The following BCAS3 variants were observed in gnomAD, a reference collection of about 807,000 sequenced individuals.
BCAS3 encodes BCAS4/BCAS3 fusion.
Under a neutral mutation model 116.1 loss-of-function variants are expected in BCAS3, and 53 were observed. The ratio of observed to expected loss-of-function variants is 0.46; its 90% CI spans 0.37 to 0.57. The LOEUF (loss-of-function observed/expected upper bound fraction) is 0.57. Ranked by LOEUF, BCAS3 falls within the 20% of genes least tolerant of loss-of-function variation. The pLI is 0.00. For missense variants in BCAS3, 917 were observed against 1,165.4 expected (o/e 0.79, Z 3.10); for synonymous variants, 391 against 408.2 (o/e 0.96, Z 0.51).
At chr17:60,758,899 A>G (rs868767395) in intron 6 of BCAS3, among the ~76,000 whole-genome samples, 2 of 151,870 alleles carry the variant, frequency 1.3e-5, no homozygotes, top group East Asian at 1.9e-4. Context: ...GGAGTATCCT[A>G]TGTAATTTCC....
At chr17:60,747,476 C>T (rs2042105082) in intron 6 of BCAS3, among the ~76,000 whole-genome samples, 197 bp downstream of exon 6, 1 of 152,126 alleles carries the variant, frequency 6.6e-6, no homozygotes, top group Non-Finnish European at 1.5e-5. Flanking sequence ...TCAATATGGC[C>T]ATTCACTTTC....
Position 61,387,493 on chromosome 17 carries a change from G to A in BCAS3, c.2594-4484G>A, listed in dbSNP as rs191167830. On this transcript the variant is annotated intron_variant, in intron 23 of 23. Transcript: ENST00000407086. The surrounding 1 kb of genome is among the most constrained non-coding windows in gnomAD (Gnocchi z 6.2). ...ATCCAGCTTGCTTTTTTTTCACCCTGAGAACAGTAGTGCCAAGGATCCGGC... is the reference window on the plus strand; with the variant it reads ...ATCCAGCTTGCTTTTTTTTCACCCTAAGAACAGTAGTGCCAAGGATCCGGC... Among the ~76,000 whole-genome samples, 147 of 152,242 alleles carry A rather than the reference G, an allele frequency of 9.7e-4. 1 individual carries two copies. The highest frequency in any genetic ancestry group is 3.4e-3 in the Middle Eastern group (1 of 294).
At chr17:60,969,216 C>G (rs74858198) in intron 14 of BCAS3, among the ~76,000 whole-genome samples, 4,339 of 152,090 alleles carry the variant, frequency 0.029, 212 homozygotes, top group African/African-American at 0.097. Context: ...GGTAGTGAAG[C>G]CAGCTAGCTT....
In BCAS3 at chr17:61,008,678, A is replaced by G. The variant is rs973458026; in HGVS notation, c.1487-7073A>G. On this transcript the variant is annotated intron_variant, in intron 15 of 23. Coordinates refer to ENST00000407086, the MANE Select transcript of BCAS3 (RefSeq NM_017679.5). The surrounding 1 kb of genome is among the most constrained non-coding windows in gnomAD (Gnocchi z 4.6). ...AAAGCTTTGCTCTTCTGTAGAAGAC[A>G]AAAGTTTACCAAAAAATAAAAAATA... 1.3e-5 allele frequency among the ~76,000 whole-genome samples: 2 copies of G among 152,026 alleles called. No homozygotes were observed. The highest frequency in any genetic ancestry group is 2.9e-5 in the Non-Finnish European group (2 of 67,966).
rs2050757521 is a variant in BCAS3, at chr17:61,276,371, AAAC to A, written c.2426-91953_2426-91951del. Among the ~76,000 whole-genome samples, 2 of 151,946 alleles carry A rather than the reference AAAC, an allele frequency of 1.3e-5. No homozygotes were observed. The highest frequency in any genetic ancestry group is 2.9e-5 in the Non-Finnish European group (2 of 67,948). On this transcript the variant is annotated intron_variant, in intron 22 of 23. Transcript: ENST00000407086. The surrounding 1 kb of genome is among the most constrained non-coding windows in gnomAD (Gnocchi z 4.2). ...CCATCTCAAAAACAAACAAACAAAC[AAAC>A]AAAAATCACTTGTGTTTCTATACAG...
intron 5 of BCAS3, among the ~76,000 whole-genome samples, chr17:60,736,419 C>T (rs1287870903): frequency 6.6e-6 from 1 of 151,842 alleles, no homozygotes; most frequent in Non-Finnish European, 1.5e-5. Flanking sequence ...CTCCTGGCTT[C>T]AAGTGATCCA....
At chr17:60,868,542 A>T (rs2054830548) in intron 7 of BCAS3, 34 bp from the exon 8 acceptor site, 1 of 1,394,854 alleles carries the variant, frequency 7.2e-7, no homozygotes, top group African/African-American at 1.5e-5. Flanking sequence ...CTTTTTTAAA[A>T]AAATGACATT....
At chr17:60,908,446 AT>A (rs1482859612) in intron 11 of BCAS3, among the ~76,000 whole-genome samples, 100 of 152,292 alleles carry the variant, frequency 6.6e-4, no homozygotes, top group Non-Finnish European at 4.7e-4. Flanking sequence ...TGATAAAGGG[AT>A]AGCTGTGTTT....
chr17:60,913,662 T>C (rs920160239), intron 12 of BCAS3, among the ~76,000 whole-genome samples: 2 of 152,132 alleles, frequency 1.3e-5, no homozygotes, highest in African/African-American at 4.8e-5. Context: ...TCAGATTGTA[T>C]ACGAAAAGCT....
In BCAS3 at chr17:60,765,836, G is replaced by A. The variant is rs1052738486; in HGVS notation, c.403+18557G>A. ...TCGCTTTCAGATACACCAATCAAAC[G>A]TAGATTTGGTCTTTTCACATAGTCC... On this transcript the variant is annotated intron_variant, in intron 6 of 23. Transcript: ENST00000407086. Among the ~76,000 whole-genome samples the A allele has an allele frequency of 5.8e-4, 88 of 152,122 alleles. 1 individual carries two copies. The highest frequency in any genetic ancestry group is 5.7e-3 in the Admixed American group (87 of 15,278).
In BCAS3 at chr17:61,034,849, A is replaced by G. The variant is rs2066896236; in HGVS notation, c.1762+59A>G. 1 of 1,512,610 alleles carries G rather than the reference A, an allele frequency of 6.6e-7. No individual in the cohort carries two copies. The highest frequency in any genetic ancestry group is 8.9e-7 in the Non-Finnish European group (1 of 1,117,702). 93.7% of individuals were successfully genotyped at this position (1,512,610 alleles called of 1,614,324 possible). ...TTGTAATTTTTGCTTCTTAAGGAAA[A>G]TTTTTAGCAGTTTCCCTAGAATAAT... On this transcript the variant is annotated intron_variant, in intron 17 of 23. Coordinates refer to ENST00000407086, the MANE Select transcript of BCAS3 (RefSeq NM_017679.5). The surrounding 1 kb of genome is among the most constrained non-coding windows in gnomAD (Gnocchi z 5.0).
chr17:61,172,278 CA>C (rs900831309), intron 22 of BCAS3, among the ~76,000 whole-genome samples: 5 of 152,068 alleles, frequency 3.3e-5, no homozygotes, highest in African/African-American at 1.2e-4. Context: ...TACTGAAAAA[CA>C]AAAAACACTA....
chr17:60,725,306 T>C (rs1447931465), intron 5 of BCAS3, among the ~76,000 whole-genome samples: 1 of 152,186 alleles, frequency 6.6e-6, no homozygotes, highest in East Asian at 1.9e-4. Flanking sequence ...TCTGAGAAAG[T>C]CCCAAAATAA....
rs1261695577 is a variant in BCAS3, at chr17:61,281,709, G to A, written c.2426-86618G>A. Among the ~76,000 whole-genome samples, 3 of 151,888 alleles carry A rather than the reference G, an allele frequency of 2.0e-5. No homozygotes were observed. The highest frequency in any genetic ancestry group is 7.2e-5 in the African/African-American group (3 of 41,470). On this transcript the variant is annotated intron_variant, in intron 22 of 23. Coordinates refer to ENST00000407086, the MANE Select transcript of BCAS3 (RefSeq NM_017679.5). The surrounding 1 kb of genome is among the most constrained non-coding windows in gnomAD (Gnocchi z 4.2). The stretch of plus-strand genomic sequence containing the variant: ...TTTGGAGGAGCTTTCTATATACTAA[G>A]CAAATTAGCACTCTATCATATATAT...
chr17:61,116,243 A>C (rs922722474), intron 22 of BCAS3, among the ~76,000 whole-genome samples: 1 of 81,498 alleles, frequency 1.2e-5, no homozygotes, highest in Non-Finnish European at 2.5e-5. Flanking sequence ...AAGTATAATA[A>C]AAAAATAAAT....
At position 60,736,996 on chromosome 17, in the gene BCAS3, A is replaced by G. The variant is rs551740315; in HGVS notation, c.322-10202A>G. ...GCTCTTTTGCTGAGGCTGGAGTGCA[A>G]TGGCGCGATCTTGTCTCACCGCAAC... On this transcript the variant is annotated intron_variant, in intron 5 of 23. Transcript: ENST00000407086. 1.9e-3 allele frequency among the ~76,000 whole-genome samples: 289 copies of G among 150,534 alleles called. 4 individuals are homozygous for G. Among genetic ancestry groups the G allele is most frequent in the Non-Finnish European group, 4.0e-4 (27 of 67,806 alleles).
intron 6 of BCAS3, among the ~76,000 whole-genome samples, chr17:60,753,660 C>T (rs937240611): frequency 1.5e-4 from 23 of 152,184 alleles, no homozygotes; most frequent in South Asian, 1.2e-3. Flanking sequence ...CTGCCTGCCT[C>T]GGCCTCCCAA....
chr17:60,951,037 A>T (rs2060803967), intron 14 of BCAS3, among the ~76,000 whole-genome samples: 1 of 152,228 alleles, frequency 6.6e-6, no homozygotes, highest in South Asian at 2.1e-4. Flanking sequence ...TTTATGTTGT[A>T]GAAGTTTTGC....
intron 7 of BCAS3, among the ~76,000 whole-genome samples, chr17:60,857,813 A>G (rs2053808158): frequency 6.6e-6 from 1 of 152,168 alleles, no homozygotes; most frequent in African/African-American, 2.4e-5. Flanking sequence ...ATCTTTTCCT[A>G]TTAGTTGTTG....
Sources: allele counts gnomAD v4.1 joint callset (sites outside exome capture counted in the v4.1 genomes callset), GRCh38; gene constraint gnomAD v4.1.1; non-coding constraint Gnocchi (gnomAD v3.1); transcripts MANE v1.5; gene names NCBI Gene and HGNC (gene_info 2026-07-23, HGNC 2026-07-21).